UTRN: variants seen among roughly 807,000 people sequenced by gnomAD.
UTRN encodes utrophin.
In UTRN, 283 loss-of-function variants were observed where a neutral mutation model predicts 463.9. The ratio of observed to expected loss-of-function variants is 0.61; its 90% confidence interval spans 0.55 to 0.67. The LOEUF (loss-of-function observed/expected upper bound fraction) is 0.67. Ranked by LOEUF, UTRN falls within the 30% of genes least tolerant of loss-of-function variation. The pLI is 0.00. For missense variants in UTRN, 3,922 were observed against 4,084.3 expected (o/e 0.96, Z 1.08); for synonymous variants, 1,442 against 1,431.5 (o/e 1.01, Z -0.17).
intron 51 of UTRN, among the ~76,000 whole-genome samples, chr6:144,599,086 C>T (rs910567474): frequency 3.3e-5 from 5 of 152,076 alleles, no homozygotes; most frequent in Admixed American, 2.6e-4. Context: ...ATATTTATTG[C>T]GGTCTAGGAG....
rs781101420 is a variant in UTRN, at chr6:144,488,706, C to G, written c.4006C>G (p.Leu1336Val). Residue 1336 changes from leucine to valine, a missense_variant, in exon 30 of 75, where the codon CTC becomes GTC. By Grantham distance (32) the Leu-to-Val change is conservative (BLOSUM62 1). Transcript: ENST00000367545. ...CAAGCAGATTTCTTTGGAAAAGCAA[C>G]TCCAGGTGCTGCGGGAAACTGACCA... The part of the protein sequence containing the change: ...ESKQISLEKQ[L>V]QVLRETDQML... The G allele has an allele frequency of 6.2e-7, 1 of 1,613,074 alleles. No individual in the cohort carries two copies. The highest frequency in any genetic ancestry group is 1.3e-5 in the African/African-American group (1 of 74,910).
intron 51 of UTRN, among the ~76,000 whole-genome samples, chr6:144,582,394 C>T (rs887447125): frequency 6.6e-6 from 1 of 152,218 alleles, no homozygotes; most frequent in Admixed American, 6.5e-5. Context: ...TTGCACATCT[C>T]CTGATAGTAC....
chr6:144,724,009 C>CAAAAAAAAAAA (rs59598919), intron 53 of UTRN, among the ~76,000 whole-genome samples: 9 of 58,770 alleles, frequency 1.5e-4, no homozygotes, highest in Non-Finnish European at 2.9e-4. Context: ...GACTCCATCT[C>CAAAAAAAAAAA]AAAAAAAAAA....
At chr6:144,650,212 A>G (rs1459269252) in intron 51 of UTRN, among the ~76,000 whole-genome samples, 1 of 152,176 alleles carries the variant, frequency 6.6e-6, no homozygotes, top group Non-Finnish European at 1.5e-5. Context: ...ACCCACCTTC[A>G]TGATTTAATT....
chr6:144,490,496 T>C (rs1792954523), intron 31 of UTRN, among the ~76,000 whole-genome samples: 1 of 152,246 alleles, frequency 6.6e-6, no homozygotes, highest in Admixed American at 6.5e-5. Flanking sequence ...CAGTATCGTG[T>C]GGCTGATGCT....
At chr6:144,421,837 G>C in intron 3 of UTRN, 41 bp from the exon 4 acceptor site, 1 of 1,535,914 alleles carries the variant, frequency 6.5e-7, no homozygotes, top group Non-Finnish European at 8.9e-7. Context: ...AGTTTCTGCT[G>C]TTGGCATACC....
At chr6:144,495,597 A>C (rs575929016) in intron 33 of UTRN, among the ~76,000 whole-genome samples, 3 of 152,224 alleles carry the variant, frequency 2.0e-5, no homozygotes, top group African/African-American at 4.8e-5. Context: ...CCCACAGTGC[A>C]GCGGTGGGCT....
chr6:144,288,159 C>T (rs1472923162), intron 1 of UTRN, among the ~76,000 whole-genome samples: 1 of 152,244 alleles, frequency 6.6e-6, no homozygotes, highest in Non-Finnish European at 1.5e-5. Context: ...TTCTGTTATT[C>T]TTCTTTCTCC....
At chr6:144,434,313 G>C (rs1424489603) in intron 9 of UTRN, among the ~76,000 whole-genome samples, 2 of 150,390 alleles carry the variant, frequency 1.3e-5, no homozygotes, top group Admixed American at 6.6e-5. Context: ...GCTTCGGCTC[G>C]GCATCAGAGG....
At chr6:144,741,308 G>A (rs1158478855) in intron 54 of UTRN, among the ~76,000 whole-genome samples, 1 of 152,162 alleles carries the variant, frequency 6.6e-6, no homozygotes, top group Non-Finnish European at 1.5e-5. Flanking sequence ...AAGCAGCCTG[G>A]GGAGAGATGG....
intron 50 of UTRN, among the ~76,000 whole-genome samples, chr6:144,558,898 G>A (rs554062258): frequency 9.9e-5 from 15 of 152,166 alleles, no homozygotes; most frequent in Admixed American, 3.3e-4. Context: ...AAACATATAC[G>A]TATTACAGTA....
chr6:144,792,301 C>G (rs1007082613), intron 62 of UTRN, among the ~76,000 whole-genome samples: 59 of 152,160 alleles, frequency 3.9e-4, no homozygotes, highest in African/African-American at 1.3e-3. Context: ...ATCCCCAGCA[C>G]TTTGGGAGGC....
chr6:144,461,509 A>AAAGT (rs1789406080), intron 22 of UTRN, among the ~76,000 whole-genome samples, 167 bp downstream of exon 22: 1 of 152,272 alleles, frequency 6.6e-6, no homozygotes. Flanking sequence ...CACATAAAAG[A>AAAGT]AAGTACAGTT....
Position 144,570,462 on chromosome 6 carries a change from G to T in UTRN, c.7290-6637G>T, listed in dbSNP as rs1241574868. On this transcript the variant is annotated intron_variant, in intron 50 of 74. Coordinates refer to ENST00000367545, the MANE Select transcript of UTRN (RefSeq NM_007124.3). The stretch of plus-strand genomic sequence containing the variant: ...TTTAGGGATGATGAAGACAATCCTT[G>T]CCCAAGCGCTCATGGCTAGTGAGCA... Among the ~76,000 whole-genome samples, 6 of 152,158 alleles carry T rather than the reference G, an allele frequency of 3.9e-5. 1 individual carries two copies. The highest frequency in any genetic ancestry group is 1.3e-4 in the Admixed American group (2 of 15,264).
Position 144,421,912 on chromosome 6 carries a change from A to G in UTRN, c.176A>G (p.Asp59Gly). Reference protein sequence around the residue: ...GKPPINDMFTDLKDGRKLLDL... With the variant: ...GKPPINDMFTGLKDGRKLLDL... Reference sequence around the variant, plus strand: ...CCACCCATCAATGATATGTTCACAGACCTCAAAGATGGAAGGAAGCTATTG... The same window carrying G: ...CCACCCATCAATGATATGTTCACAGGCCTCAAAGATGGAAGGAAGCTATTG... Residue 59 changes from aspartate (D) to glycine (G), a missense_variant, in exon 4 of 75, where the codon GAC (aspartate) becomes GGC (glycine). This residue lies in a region of UTRN where 264 missense variants were observed against 327.9 expected (regional missense o/e 0.81). Transcript: ENST00000367545. 2 of 1,613,136 alleles carry G rather than the reference A, an allele frequency of 1.2e-6. No individual in the cohort carries two copies. The highest frequency in any genetic ancestry group is 1.7e-6 in the Non-Finnish European group (2 of 1,179,572).
At chr6:144,411,487 G>A (rs1434618837) in intron 3 of UTRN, among the ~76,000 whole-genome samples, 1 of 152,064 alleles carries the variant, frequency 6.6e-6, no homozygotes, top group Non-Finnish European at 1.5e-5. Flanking sequence ...CCTGCCTCTG[G>A]CCGCCAGGTA....
At chr6:144,287,476 G>A (rs1255521191) in intron 1 of UTRN, among the ~76,000 whole-genome samples, 1 of 152,008 alleles carries the variant, frequency 6.6e-6, no homozygotes, top group African/African-American at 2.4e-5. Context: ...TCGTTCCTAG[G>A]TTTTGGTTCC....
intron 15 of UTRN, 44 bp downstream of exon 15, chr6:144,447,362 A>G: frequency 1.3e-6 from 2 of 1,570,230 alleles, no homozygotes; most frequent in South Asian, 2.3e-5. Flanking sequence ...AGCCTATGAT[A>G]TCTTAATGTT....
intron 53 of UTRN, among the ~76,000 whole-genome samples, chr6:144,725,211 C>T (rs1438506922): frequency 6.6e-6 from 1 of 152,234 alleles, no homozygotes; most frequent in Non-Finnish European, 1.5e-5. Flanking sequence ...GAGAGTTCCC[C>T]AGCACATGCT....
Sources: allele counts gnomAD v4.1 joint callset (sites outside exome capture counted in the v4.1 genomes callset), GRCh38; gene constraint gnomAD v4.1.1; regional missense constraint gnomAD v4.1.1; transcripts MANE v1.5; gene names NCBI Gene and HGNC (gene_info 2026-07-23, HGNC 2026-07-21).